The following UBE2J2 variants were observed in gnomAD, a reference collection of about 807,000 sequenced individuals.
UBE2J2 encodes the protein ubiquitin-conjugating enzyme E2 J2.
Under a neutral mutation model 28.6 loss-of-function variants are expected in UBE2J2, and 5 were observed. The observed-to-expected ratio is 0.17, with a 90% CI of 0.09 to 0.37. UBE2J2 has a LOEUF of 0.37. Ranked by LOEUF, UBE2J2 falls within the 10% of genes least tolerant of loss-of-function variation. The probability of loss-of-function intolerance (pLI) is 1.00; values close to 1 mark genes in which losing one functional copy is unlikely to be tolerated. For missense variants in UBE2J2, 226 were observed against 338.9 expected, an observed-to-expected ratio of 0.67 and a Z score of 2.62; for synonymous variants, 138 against 139.7, an observed-to-expected ratio of 0.99 and a Z score of 0.09.
intron 3 of UBE2J2, 51 bp downstream of exon 3, chr1:1,263,295 T>G: frequency 3.9e-5 from 59 of 1,519,152 alleles, no homozygotes; most frequent in Non-Finnish European, 4.8e-5. Flanking sequence ...CAAGGCTGAC[T>G]GAGAATATAA....
chr1:1,256,226 T>G, intron 5 of UBE2J2, 101 bp from the exon 6 acceptor site: 1 of 836,178 alleles, frequency 1.2e-6, no homozygotes, highest in Admixed American at 2.2e-5. Flanking sequence ...GTCTTCGTGT[T>G]GCAGAAAGCA....
chr1:1,269,646 T>C (rs1369744143), intron 1 of UBE2J2, among the ~76,000 whole-genome samples: 1 of 152,092 alleles, frequency 6.6e-6, no homozygotes, highest in Non-Finnish European at 1.5e-5. Flanking sequence ...GTATTTTTAG[T>C]AGAGACGGGG....
Position 1,268,128 on chromosome 1 carries a change from T to C in UBE2J2, c.1-136A>G. ...GTCACCCAGAGTCACAGCTCACAGG[T>C]CACCCTCGCTTGCCACCCGCCCAGA... is the stretch of plus-strand genomic sequence containing the variant. On this transcript the variant is annotated intron_variant, in intron 1 of 6. Coordinates refer to ENST00000349431, the MANE Select transcript of UBE2J2 (RefSeq NM_058167.3). The surrounding 1 kb of genome is among the most constrained non-coding windows in gnomAD (Gnocchi z 4.7). 8.1e-7 allele frequency: 1 copy of C among 1,238,108 alleles called. No homozygotes were observed. Among genetic ancestry groups the C allele is most frequent in the East Asian group, 2.4e-5 (1 of 41,994 alleles). The allele number at this position is 1,238,108 out of a possible 1,614,324, so 76.7% of individuals were successfully genotyped here.
rs60924258 is a variant in UBE2J2 at position 1,271,974 on chromosome 1, C to CAAAAAAAAAAA, written c.-1+1681_-1+1691dup. ...GGGCAACAAGAGCGAAACTCCGTCTCAAAAAAAAAAAAAAAAAAAAAAAAA... is the reference window on the plus strand; with the variant it reads ...GGGCAACAAGAGCGAAACTCCGTCTCAAAAAAAAAAAAAAAAAAAAAAAAAAAAAAAAAAAA... On this transcript the variant is annotated intron_variant, in intron 1 of 6. Transcript: ENST00000349431. Among the ~76,000 whole-genome samples the CAAAAAAAAAAA allele has an allele frequency of 3.1e-3, 86 of 27,608 alleles. 10 individuals are homozygous for CAAAAAAAAAAA. Among genetic ancestry groups the CAAAAAAAAAAA allele is most frequent in the South Asian group, 0.01 (4 of 400 alleles). 18.1% of individuals were successfully genotyped at this position (27,608 alleles called of 152,430 possible).
rs11260569 is a variant in UBE2J2, at chr1:1,265,836, T to C, written c.131+2026A>G. ...TTTCAGTAGAGACAGGGTTCCACCA[T>C]GTTGGCCAGGCTGGTCTCAATCTCC... is the stretch of plus-strand genomic sequence containing the variant. On this transcript the variant is annotated intron_variant, in intron 2 of 6. Transcript: ENST00000349431. Among the ~76,000 whole-genome samples, 1,326 of 152,184 alleles carry C rather than the reference T, an allele frequency of 8.7e-3. 23 individuals are homozygous for C. The highest frequency in any genetic ancestry group is 0.03 in the African/African-American group (1,226 of 41,512).
intron 1 of UBE2J2, among the ~76,000 whole-genome samples, chr1:1,270,101 T>G (rs1201783202): frequency 6.6e-6 from 1 of 152,180 alleles, no homozygotes; most frequent in Non-Finnish European, 1.5e-5. Context: ...TGCTGCCATG[T>G]GAGACATGCC....
chr1:1,267,700 G>C (rs1570575541), intron 2 of UBE2J2, 162 bp downstream of exon 2: 2 of 1,463,774 alleles, frequency 1.4e-6, no homozygotes, highest in East Asian at 4.9e-5. Flanking sequence ...AAAGACCAGA[G>C]AGTGTCCACA....
chr1:1,266,221 G>C (rs1437752832), intron 2 of UBE2J2: 1 of 1,236,350 alleles, frequency 8.1e-7, no homozygotes, highest in African/African-American at 1.6e-5. Context: ...CCTCCTCTGT[G>C]AGCCAGAGAA....
intron 3 of UBE2J2, among the ~76,000 whole-genome samples, chr1:1,259,091 C>T (rs200775741): frequency 4.6e-5 from 6 of 131,312 alleles, no homozygotes; most frequent in Admixed American, 3.7e-4. Flanking sequence ...TCAGGACGCA[C>T]GTGTGTGCAT....
At chr1:1,270,900 G>C (rs1196289275) in intron 1 of UBE2J2, among the ~76,000 whole-genome samples, 1 of 150,764 alleles carries the variant, frequency 6.6e-6, no homozygotes, top group East Asian at 1.9e-4. Context: ...ACCCAGCACG[G>C]CCCAGGTCCC....
rs964829955 is a variant in UBE2J2, at chr1:1,254,845, C to T, written c.*358G>A. 9 of 178,052 alleles carry T rather than the reference C, an allele frequency of 5.1e-5. No homozygotes were observed. The highest frequency in any genetic ancestry group is 6.1e-5 in the Admixed American group (1 of 16,364). 11.0% of individuals were successfully genotyped at this position (178,052 alleles called of 1,614,324 possible). A position where few individuals can be genotyped will look rare whatever the true frequency, so the allele number is the denominator to read the frequency against. The stretch of plus-strand genomic sequence containing the variant: ...AGAAACGCGCCAGGAGCTCCAAGAA[C>T]GCAGGAGCAGCCCGCGGTCGGCAGC... On this transcript the variant is annotated 3_prime_UTR_variant, in exon 7 of 7. Transcript: ENST00000349431.
At chr1:1,260,830 TG>T (rs1375082086) in intron 3 of UBE2J2, among the ~76,000 whole-genome samples, 1 of 152,260 alleles carries the variant, frequency 6.6e-6, no homozygotes, top group Non-Finnish European at 1.5e-5. Context: ...CTAGGTCCTT[TG>T]CCTTTGCATG....
chr1:1,272,455 A>G (rs376876818), intron 1 of UBE2J2, among the ~76,000 whole-genome samples: 37 of 152,324 alleles, frequency 2.4e-4, no homozygotes, highest in African/African-American at 7.2e-4. Flanking sequence ...GGGATGTGGC[A>G]GGAAACCTTG....
chr1:1,266,625 T>G (rs1001982975), intron 2 of UBE2J2, among the ~76,000 whole-genome samples: 4 of 151,624 alleles, frequency 2.6e-5, no homozygotes, highest in African/African-American at 7.3e-5. Flanking sequence ...ATCAAGACCA[T>G]CCTGGCTAAC....
chr1:1,255,127 A>G lies in UBE2J2; in HGVS notation c.*76T>C, dbSNP rs1223382234. 1 of 1,444,032 alleles carries G rather than the reference A, an allele frequency of 6.9e-7. No individual in the cohort carries two copies. Among genetic ancestry groups the G allele is most frequent in the Non-Finnish European group, 9.3e-7 (1 of 1,077,158 alleles). The allele number at this position is 1,444,032 out of a possible 1,614,324, so 89.5% of individuals were successfully genotyped here. On this transcript the variant is annotated 3_prime_UTR_variant, in exon 7 of 7. Transcript: ENST00000349431. Reference sequence around the variant, plus strand: ...CCTGGTGGGTCTGCCTGTGCTGGGCAGTGTGTCCAGCCTGCCGAGGTCACG... The same window carrying G: ...CCTGGTGGGTCTGCCTGTGCTGGGCGGTGTGTCCAGCCTGCCGAGGTCACG...
intron 2 of UBE2J2, chr1:1,266,389 C>T (rs750691488): frequency 1.0e-4 from 24 of 239,596 alleles, no homozygotes; most frequent in Non-Finnish European, 2.1e-4. Flanking sequence ...ATAAGGAGTT[C>T]GAGACCAGCC....
At chr1:1,257,590 C>T (rs1422865492) in intron 3 of UBE2J2, among the ~76,000 whole-genome samples, 5 of 150,390 alleles carry the variant, frequency 3.3e-5, no homozygotes, top group African/African-American at 4.9e-5. Flanking sequence ...CCCGGGAGCT[C>T]GAGACAACCA....
rs1435411962 is a variant in UBE2J2, at chr1:1,257,194, T to C, written c.275+14A>G. The C allele has an allele frequency of 1.2e-6, 2 of 1,604,502 alleles. No individual in the cohort carries two copies. The highest frequency in any genetic ancestry group is 1.7e-5 in the Admixed American group (1 of 59,286). ...GCAGCCAGAAAGCCTCCGCGGCCCC[T>C]CCAGGCACCTTACCTGGTGTTGCAC... On this transcript the variant is annotated intron_variant, in intron 4 of 6. Coordinates refer to ENST00000349431, the MANE Select transcript of UBE2J2 (RefSeq NM_058167.3).
intron 2 of UBE2J2, among the ~76,000 whole-genome samples, chr1:1,265,421 C>A (rs1639793195): frequency 6.6e-6 from 1 of 152,154 alleles, no homozygotes; most frequent in Admixed American, 6.6e-5. Flanking sequence ...AGTCCCTGGG[C>A]CTTCCCCTAA....
Sources: allele counts gnomAD v4.1 joint callset (sites outside exome capture counted in the v4.1 genomes callset), GRCh38; gene constraint gnomAD v4.1.1; non-coding constraint Gnocchi (gnomAD v3.1); transcripts MANE v1.5; gene names NCBI Gene and HGNC (gene_info 2026-07-23, HGNC 2026-07-21).